The following CCSER1 variants were observed in gnomAD, a reference collection of about 807,000 sequenced individuals.
CCSER1 encodes serine-rich coiled-coil domain-containing protein 1.
Under a neutral mutation model 82.0 loss-of-function variants are expected in CCSER1, and 41 were observed. The ratio of observed to expected loss-of-function variants is 0.50; its 90% confidence interval spans 0.39 to 0.65. CCSER1 has a LOEUF of 0.65. CCSER1 is among the 30% of genes least tolerant of loss of function. CCSER1 has a pLI of 0.00. For missense variants in CCSER1, 1,119 were observed against 1,064.2 expected (o/e 1.05, Z -0.72); for synonymous variants, 414 against 383.9 (o/e 1.08, Z -0.92).
intron 1 of CCSER1, among the ~76,000 whole-genome samples, chr4:90,300,477 C>T (rs796557612): frequency 1.3e-5 from 2 of 152,186 alleles, no homozygotes; most frequent in African/African-American, 4.8e-5. Context: ...AGTTTATAGT[C>T]TTAGTAAGTG....
chr4:91,599,238 A>C lies in CCSER1; in HGVS notation c.*181A>C. On this transcript the variant is annotated 3_prime_UTR_variant, in exon 11 of 11. Coordinates refer to ENST00000509176, the MANE Select transcript of CCSER1 (RefSeq NM_001145065.2). ...GTGGGTTTTTTTTTTCCAAGAGTGA[A>C]AGTTTGAGCATGTTAATTGAACTAG... 2.9e-6 allele frequency: 2 copies of C among 688,770 alleles called. No individual in the cohort carries two copies. The highest frequency in any genetic ancestry group is 4.5e-6 in the Non-Finnish European group (2 of 439,646). The allele number at this position is 688,770 out of a possible 1,614,324, so 42.7% of individuals were successfully genotyped here.
intron 6 of CCSER1, among the ~76,000 whole-genome samples, chr4:90,690,333 C>CTAAATA (rs1735594600): frequency 1.3e-5 from 2 of 151,944 alleles, no homozygotes; most frequent in African/African-American, 4.8e-5. Context: ...CTGCTTGCTA[C>CTAAATA]CATAAACTAA....
At chr4:90,607,071 G>A (rs1396522330) in intron 5 of CCSER1, among the ~76,000 whole-genome samples, 1 of 152,100 alleles carries the variant, frequency 6.6e-6, no homozygotes, top group Admixed American at 6.5e-5. Context: ...TTCCAATTTT[G>A]TGGGGAAGAA....
intron 10 of CCSER1, among the ~76,000 whole-genome samples, chr4:91,513,949 A>G (rs1312929112): frequency 6.6e-6 from 1 of 151,712 alleles, no homozygotes; most frequent in African/African-American, 2.4e-5. Flanking sequence ...TTGGGTCTCA[A>G]TTTCATTCAA....
At chr4:90,452,667 G>A (rs1761619019) in intron 4 of CCSER1, among the ~76,000 whole-genome samples, 1 of 152,194 alleles carries the variant, frequency 6.6e-6, no homozygotes. Context: ...AAGTCTAAGG[G>A]CTGGTACCTC....
intron 6 of CCSER1, among the ~76,000 whole-genome samples, chr4:90,651,019 A>G (rs1253538588): frequency 6.6e-6 from 1 of 152,208 alleles, no homozygotes; most frequent in Non-Finnish European, 1.5e-5. Flanking sequence ...AATGTCTTCA[A>G]TTCTGTTTCT....
intron 10 of CCSER1, among the ~76,000 whole-genome samples, chr4:91,208,919 T>A (rs994612449): frequency 6.6e-6 from 1 of 151,748 alleles, no homozygotes; most frequent in African/African-American, 2.4e-5. Flanking sequence ...TTATTGTAGA[T>A]ATTTTTCCCC....
At chr4:91,374,244 G>C (rs1750242796) in intron 10 of CCSER1, among the ~76,000 whole-genome samples, 1 of 152,178 alleles carries the variant, frequency 6.6e-6, no homozygotes, top group Non-Finnish European at 1.5e-5. Flanking sequence ...GTTTGTATTG[G>C]AAGAAGATGC....
At chr4:90,460,143 G>A (rs1332748818) in intron 4 of CCSER1, among the ~76,000 whole-genome samples, 2 of 145,814 alleles carry the variant, frequency 1.4e-5, no homozygotes, top group African/African-American at 5.6e-5. Context: ...TGGCTAACAC[G>A]GTGAAACCCC....
intron 10 of CCSER1, among the ~76,000 whole-genome samples, chr4:91,426,010 G>C (rs920792863): frequency 6.6e-6 from 1 of 152,024 alleles, no homozygotes; most frequent in Non-Finnish European, 1.5e-5. Context: ...CCTACATTAG[G>C]TATTCCTCCT....
chr4:90,538,677 T>C (rs1336118488), intron 5 of CCSER1, among the ~76,000 whole-genome samples: 1 of 152,130 alleles, frequency 6.6e-6, no homozygotes. Context: ...AGCATGTTTA[T>C]AAAACAAAAT....
chr4:90,379,783 A>G (rs1449078615), intron 3 of CCSER1, among the ~76,000 whole-genome samples: 2 of 152,116 alleles, frequency 1.3e-5, no homozygotes, highest in East Asian at 1.9e-4. Context: ...AGACTGGGTA[A>G]TTTATAAGCA....
At chr4:90,440,706 C>T (rs1425298539) in intron 4 of CCSER1, among the ~76,000 whole-genome samples, 4 of 152,238 alleles carry the variant, frequency 2.6e-5, no homozygotes, top group Admixed American at 6.5e-5. Context: ...TCTTCCTTGA[C>T]GACTTTCCCC....
At chr4:90,644,650 G>A (rs969530998) in intron 6 of CCSER1, among the ~76,000 whole-genome samples, 11 of 151,794 alleles carry the variant, frequency 7.2e-5, no homozygotes, top group African/African-American at 2.4e-4. Context: ...CCCAGTGCGT[G>A]TTGTTCCCCT....
intron 9 of CCSER1, among the ~76,000 whole-genome samples, chr4:91,064,539 T>C (rs1744202936): frequency 6.6e-6 from 1 of 152,208 alleles, no homozygotes; most frequent in South Asian, 2.1e-4. Context: ...GAGTCTGCTG[T>C]TGACTGAGTT....
At position 90,838,884 on chromosome 4, in the gene CCSER1, A is replaced by G. The variant is rs112380382; in HGVS notation, c.2094+23039A>G. 4,825 of 1,612,898 alleles carry G rather than the reference A, an allele frequency of 3.0e-3. 111 individuals are homozygous for G. In the African/African-American group the frequency reaches 0.054, roughly 18 times the overall value. On this transcript the variant is annotated intron_variant, in intron 8 of 10. Coordinates refer to ENST00000509176, the MANE Select transcript of CCSER1 (RefSeq NM_001145065.2). ...AATGCTTGTGGAATGTACAGTGCAT[A>G]TTGGCGGCGCACGCCTCATTACGAT...
Position 90,900,607 on chromosome 4 carries a change from T to A in CCSER1, c.2095-22763T>A, listed in dbSNP as rs573571612. On this transcript the variant is annotated intron_variant, in intron 8 of 10. Transcript: ENST00000509176. ...TTGTTTGTTGTTTTTTTCATTTTCT[T>A]GTGTAGTTCTAGTATTGATTTCTAA... 2.0e-4 allele frequency among the ~76,000 whole-genome samples: 31 copies of A among 152,014 alleles called. No individual in the cohort carries two copies. The South Asian group carries it at 6.2e-3, about 30-fold the overall frequency.
chr4:91,477,138 G>A (rs1757638490), intron 10 of CCSER1, among the ~76,000 whole-genome samples: 1 of 151,652 alleles, frequency 6.6e-6, no homozygotes, highest in Non-Finnish European at 1.5e-5. Flanking sequence ...ACAACCCACA[G>A]AATGGGAGAA....
chr4:90,543,176 G>C (rs940211762), intron 5 of CCSER1, among the ~76,000 whole-genome samples: 3 of 152,020 alleles, frequency 2.0e-5, no homozygotes, highest in African/African-American at 7.2e-5. Flanking sequence ...TTCCTTTAGT[G>C]GTTGTGGAAT....
Sources: allele counts gnomAD v4.1 joint callset (sites outside exome capture counted in the v4.1 genomes callset), GRCh38; gene constraint gnomAD v4.1.1; transcripts MANE v1.5; gene names NCBI Gene and HGNC (gene_info 2026-07-23, HGNC 2026-07-21).